Variants in WWOX observed in about 807,000 individuals in gnomAD.
WWOX encodes the protein WW domain containing oxidoreductase, also known as WW domain-containing oxidoreductase.
In WWOX, 69 loss-of-function variants were observed where a neutral mutation model predicts 46.2. That is an observed-to-expected ratio of 1.49 (90% CI 1.23 to 1.82). The LOEUF (loss-of-function observed/expected upper bound fraction) is 1.82. Ranked by LOEUF, WWOX falls within the 40% of genes most tolerant of loss-of-function variation. The pLI is 0.00. For synonymous variants in WWOX, 359 were observed against 202.6 expected (o/e 1.77, Z -6.56); for missense variants, 919 against 542.6 (o/e 1.69, Z -6.89).
At chr16:78,947,232 T>C (rs1272946946) in intron 8 of WWOX, among the ~76,000 whole-genome samples, 1 of 151,950 alleles carries the variant, frequency 6.6e-6, no homozygotes, top group South Asian at 2.1e-4. Context: ...GGCCTGCAAA[T>C]GAGTTTGCTA....
Position 79,212,151 on chromosome 16 carries a change from C to A in WWOX, c.*355C>A. 2.0e-6 allele frequency: 3 copies of A among 1,506,144 alleles called. No individual in the cohort carries two copies. Among genetic ancestry groups the A allele is most frequent in the Non-Finnish European group, 2.6e-6 (3 of 1,132,428 alleles). The allele number at this position is 1,506,144 out of a possible 1,614,324, so 93.3% of individuals were successfully genotyped here. A position where few individuals can be genotyped will look rare whatever the true frequency, so the allele number is the denominator to read the frequency against. ...ATAGCCTGAGGTCCCCTCGTCCCAT[C>A]CAGCTACCACCACGGCCACCACTGC... On this transcript the variant is annotated 3_prime_UTR_variant, in exon 9 of 9. Coordinates refer to ENST00000566780, the MANE Select transcript of WWOX (RefSeq NM_016373.4).
intron 5 of WWOX, among the ~76,000 whole-genome samples, chr16:78,381,879 T>G (rs1334061777): frequency 6.6e-6 from 1 of 152,138 alleles, no homozygotes; most frequent in African/African-American, 2.4e-5. Context: ...TCTTTTCCTT[T>G]TTTACTCAGA....
intron 8 of WWOX, among the ~76,000 whole-genome samples, chr16:79,137,729 C>T (rs188959899): frequency 3.6e-4 from 55 of 152,234 alleles, no homozygotes; most frequent in Non-Finnish European, 4.7e-4. Flanking sequence ...TTCCTGCCCC[C>T]ACTCCTCCTG....
rs968377052 is a variant in WWOX at position 79,051,512 on chromosome 16, C to A, written c.1057-160096C>A. On this transcript the variant is annotated intron_variant, in intron 8 of 8. Transcript: ENST00000566780. The stretch of plus-strand genomic sequence containing the variant: ...AACACTTATGTCATTGGCTACAACT[C>A]AGTCACATGACCATGGCTGCCTGCA... Among the ~76,000 whole-genome samples, 8 of 135,588 alleles carry A rather than the reference C, an allele frequency of 5.9e-5. No homozygotes were observed. In the South Asian group the frequency reaches 9.3e-4, roughly 16 times the overall value. 89.0% of individuals were successfully genotyped at this position (135,588 alleles called of 152,430 possible). A position where few individuals can be genotyped will look rare whatever the true frequency, so the allele number is the denominator to read the frequency against.
intron 8 of WWOX, among the ~76,000 whole-genome samples, chr16:79,154,387 C>T (rs968327978): frequency 1.3e-5 from 2 of 151,860 alleles, no homozygotes; most frequent in East Asian, 3.9e-4. Flanking sequence ...TTCCTGTCTC[C>T]TCTTCTTTCA....
At chr16:79,033,201 T>C (rs1010055438) in intron 8 of WWOX, among the ~76,000 whole-genome samples, 2 of 135,144 alleles carry the variant, frequency 1.5e-5, no homozygotes, top group Admixed American at 7.6e-5. Flanking sequence ...TATATATAAA[T>C]ATGTGTATAT....
chr16:78,946,238 T>C (rs2045945935), intron 8 of WWOX, among the ~76,000 whole-genome samples: 1 of 152,158 alleles, frequency 6.6e-6, no homozygotes, highest in Non-Finnish European at 1.5e-5. Flanking sequence ...TCGCCCAGGA[T>C]GGAGTACAGC....
At chr16:78,526,573 C>T (rs1035708914) in intron 8 of WWOX, 1 of 152,082 alleles carries the variant, frequency 6.6e-6, no homozygotes, top group Non-Finnish European at 1.5e-5. Flanking sequence ...AACAGGTGTC[C>T]CCCAGATTGG....
intron 5 of WWOX, among the ~76,000 whole-genome samples, chr16:78,216,833 G>A (rs1236654977): frequency 1.3e-5 from 2 of 152,096 alleles, no homozygotes; most frequent in Admixed American, 6.6e-5. Context: ...CAGGGTTCAA[G>A]CGATTCTCCT....
At chr16:79,010,713 G>T (rs1196275508) in intron 8 of WWOX, among the ~76,000 whole-genome samples, 1 of 151,934 alleles carries the variant, frequency 6.6e-6, no homozygotes, top group South Asian at 2.1e-4. Context: ...AGGAGGTTTG[G>T]CCATGGGTAC....
chr16:78,631,378 A>T lies in WWOX; in HGVS notation c.1056+198626A>T, dbSNP rs146634563. Among the ~76,000 whole-genome samples the T allele has an allele frequency of 1.7e-3, 261 of 152,242 alleles. 1 individual carries two copies. Among genetic ancestry groups the T allele is most frequent in the African/African-American group, 6.1e-3 (255 of 41,542 alleles). ...GTCCAGCATCCATTCCCCAAAACAGAACTCAAACTGACGATCATCAAGATA... is the reference window on the plus strand; with the variant it reads ...GTCCAGCATCCATTCCCCAAAACAGTACTCAAACTGACGATCATCAAGATA... On this transcript the variant is annotated intron_variant, in intron 8 of 8. Coordinates refer to ENST00000566780, the MANE Select transcript of WWOX (RefSeq NM_016373.4).
chr16:78,901,858 C>G (rs75983118), intron 8 of WWOX, among the ~76,000 whole-genome samples: 2 of 152,276 alleles, frequency 1.3e-5, no homozygotes, highest in African/African-American at 4.8e-5. Context: ...GGAGGGATGA[C>G]GTGAATTCAC....
intron 8 of WWOX, among the ~76,000 whole-genome samples, chr16:78,783,348 T>A (rs969901245): frequency 6.6e-6 from 1 of 152,278 alleles, no homozygotes; most frequent in East Asian, 1.9e-4. Flanking sequence ...CTTGGGCTGA[T>A]GGAGAGGGCC....
chr16:78,986,133 A>C (rs368666013), intron 8 of WWOX, among the ~76,000 whole-genome samples: 1 of 152,264 alleles, frequency 6.6e-6, no homozygotes, highest in Non-Finnish European at 1.5e-5. Flanking sequence ...TCAGGAGCAC[A>C]CATACATTCC....
intron 5 of WWOX, among the ~76,000 whole-genome samples, chr16:78,226,447 C>T (rs975346742): frequency 2.0e-5 from 3 of 150,900 alleles, no homozygotes; most frequent in Non-Finnish European, 4.4e-5. Flanking sequence ...CTTTCCTTTC[C>T]TTTCTTGTCC....
chr16:78,278,077 G>A (rs1237529653), intron 5 of WWOX, among the ~76,000 whole-genome samples: 1 of 152,166 alleles, frequency 6.6e-6, no homozygotes, highest in African/African-American at 2.4e-5. Flanking sequence ...ATCCTCTGAT[G>A]ATGTTTCCAT....
intron 8 of WWOX, among the ~76,000 whole-genome samples, chr16:79,084,865 A>G (rs1262302050): frequency 1.3e-5 from 2 of 152,220 alleles, no homozygotes; most frequent in Admixed American, 6.5e-5. Flanking sequence ...ATTTGTACAT[A>G]TATGTATATT....
intron 8 of WWOX, among the ~76,000 whole-genome samples, chr16:78,577,452 G>A (rs74507964): frequency 6.6e-6 from 1 of 152,226 alleles, no homozygotes; most frequent in East Asian, 1.9e-4. Context: ...CATTTAGCTG[G>A]CTCACCTTTC....
chr16:78,322,636 C>T (rs2080510994), intron 5 of WWOX, among the ~76,000 whole-genome samples: 1 of 152,238 alleles, frequency 6.6e-6, no homozygotes, highest in South Asian at 2.1e-4. Flanking sequence ...AACTCTTCAT[C>T]ACCAGGTGTG....
Sources: gnomAD v4.1 joint callset for allele counts (sites outside exome capture counted in the v4.1 genomes callset) on GRCh38, gnomAD v4.1.1 for gene constraint, MANE v1.5 for transcripts, NCBI Gene and HGNC (gene_info 2026-07-23, HGNC 2026-07-21) for gene names.